FAM169A: variants seen among roughly 807,000 people sequenced by gnomAD.
FAM169A encodes soluble lamin-associated protein of 75 kDa.
A neutral mutation model predicts 75.7 loss-of-function variants in FAM169A; 24 were observed. The ratio of observed to expected loss-of-function variants is 0.32; its 90% confidence interval spans 0.23 to 0.45. The LOEUF (loss-of-function observed/expected upper bound fraction) is 0.45, where lower values mean the gene tolerates loss of function less well. FAM169A is among the 20% of genes least tolerant of loss of function. The probability of loss-of-function intolerance (pLI) is 1.00; values close to 1 mark genes in which losing one functional copy is unlikely to be tolerated. For synonymous variants in FAM169A, 271 were observed against 271.0 expected (o/e 1.00, Z 0.00); for missense variants, 673 against 784.0 (o/e 0.86, Z 1.69).
At chr5:74,824,998 G>C (rs913319993) in intron 5 of FAM169A, among the ~76,000 whole-genome samples, 2 of 151,956 alleles carry the variant, frequency 1.3e-5, no homozygotes, top group Non-Finnish European at 2.9e-5. Context: ...AGTAATTTGT[G>C]ATTTGTTAGA....
At chr5:74,782,086 T>G in intron 12 of FAM169A, 78 bp from the exon 13 acceptor site, 3 of 1,108,838 alleles carry the variant, frequency 2.7e-6, no homozygotes, top group Non-Finnish European at 3.9e-6. Flanking sequence ...TAATATGCAG[T>G]GACACTGAAC....
chr5:74,787,594 GCAGT>G (rs1008839012), intron 11 of FAM169A, among the ~76,000 whole-genome samples: 23 of 152,324 alleles, frequency 1.5e-4, no homozygotes, highest in Admixed American at 1.4e-3. Context: ...AGTGGGAACT[GCAGT>G]CACTCAACTA....
chr5:74,783,499 A>G (rs531259148), intron 11 of FAM169A, among the ~76,000 whole-genome samples: 1 of 152,326 alleles, frequency 6.6e-6, no homozygotes, highest in South Asian at 2.1e-4. Flanking sequence ...AAAAGGCACC[A>G]GACAGAGTAT....
At chr5:74,838,915 A>G (rs1748707298) in intron 4 of FAM169A, 50 bp downstream of exon 4, 2 of 1,242,786 alleles carry the variant, frequency 1.6e-6, no homozygotes, top group Admixed American at 3.4e-5. Flanking sequence ...TACAGGAAAC[A>G]CTGTGAAATG....
intron 7 of FAM169A, among the ~76,000 whole-genome samples, 170 bp downstream of exon 7, chr5:74,804,986 G>T (rs1489046829): frequency 1.3e-5 from 2 of 152,038 alleles, no homozygotes. Context: ...TCAAACCTTA[G>T]ACAAGAGAGT....
intron 10 of FAM169A, chr5:74,800,126 C>A (rs1362367182): frequency 1.3e-5 from 7 of 541,978 alleles, no homozygotes; most frequent in Non-Finnish European, 2.1e-5. Context: ...TGGCTGACTG[C>A]AGCTGTGCCG....
intron 1 of FAM169A, among the ~76,000 whole-genome samples, chr5:74,863,023 T>TAAAA (rs10634527): frequency 1.6e-5 from 2 of 126,616 alleles, no homozygotes; most frequent in Non-Finnish European, 3.2e-5. Context: ...TGTATTCATT[T>TAAAA]AAAAAAAAAA....
intron 1 of FAM169A, among the ~76,000 whole-genome samples, chr5:74,863,296 T>A (rs1750137136): frequency 6.6e-6 from 1 of 152,208 alleles, no homozygotes; most frequent in Non-Finnish European, 1.5e-5. Flanking sequence ...TTGAAACAAT[T>A]GTGAAATATT....
At position 74,807,975 on chromosome 5, in the gene FAM169A, G is replaced by A. The variant is rs150514261; in HGVS notation, c.671-2691C>T. Among the ~76,000 whole-genome samples, 88 of 152,152 alleles carry A rather than the reference G, an allele frequency of 5.8e-4. 2 individuals carry two copies. In the East Asian group the frequency reaches 0.013, roughly 23 times the overall value. On this transcript the variant is annotated intron_variant, in intron 6 of 12. Coordinates refer to ENST00000687041, the MANE Select transcript of FAM169A (RefSeq NM_001376049.1). ...CTACTAAAAATACAGAAAATTAGCC[G>A]GCCATGGTGGCTACTCAGGAGGCTG...
At chr5:74,825,453 T>C (rs1186970667) in intron 5 of FAM169A, among the ~76,000 whole-genome samples, 1 of 152,182 alleles carries the variant, frequency 6.6e-6, no homozygotes, top group Non-Finnish European at 1.5e-5. Flanking sequence ...ATAAAGCTAG[T>C]GGTTTTAACA....
upstream of FAM169A, chr5:74,866,709 G>C: frequency 2.1e-6 from 2 of 975,286 alleles, no homozygotes; most frequent in Non-Finnish European, 2.4e-6. Context: ...GTTAAGCCGC[G>C]GGGGCTGCAA....
Position 74,839,094 on chromosome 5 carries a change from C to T in FAM169A, c.233-44G>A, listed in dbSNP as rs201230894. On this transcript the variant is annotated intron_variant, in intron 3 of 12. Coordinates refer to ENST00000687041, the MANE Select transcript of FAM169A (RefSeq NM_001376049.1). Reference sequence around the variant, plus strand: ...TCATTAACACTTGAGTTTTAAAGTACACTTTTAGACTTAATAAGGCCATAT... The same window carrying T: ...TCATTAACACTTGAGTTTTAAAGTATACTTTTAGACTTAATAAGGCCATAT... The T allele has an allele frequency of 8.0e-6, 11 of 1,369,820 alleles. No homozygotes were observed. The Admixed American group carries it at 1.7e-4, about 21-fold the overall frequency. The allele number at this position is 1,369,820 out of a possible 1,614,324, so 84.9% of individuals were successfully genotyped here.
chr5:74,793,865 T>C (rs1329246476), intron 11 of FAM169A, among the ~76,000 whole-genome samples: 1 of 151,246 alleles, frequency 6.6e-6, no homozygotes, highest in African/African-American at 2.4e-5. Context: ...TAGCAGGGCA[T>C]GGTGGCAGGC....
At chr5:74,853,044 C>G (rs1169329728) in intron 1 of FAM169A, among the ~76,000 whole-genome samples, 1 of 152,114 alleles carries the variant, frequency 6.6e-6, no homozygotes, top group East Asian at 1.9e-4. Flanking sequence ...CTCAGACCTC[C>G]AGAGAGAAAG....
intron 1 of FAM169A, among the ~76,000 whole-genome samples, chr5:74,862,608 T>C (rs574048207): frequency 6.6e-6 from 1 of 152,358 alleles, no homozygotes; most frequent in South Asian, 2.1e-4. Context: ...GTTTGTCTCA[T>C]CTTTAAGACT....
intron 9 of FAM169A, among the ~76,000 whole-genome samples, chr5:74,801,273 C>G (rs1746562314): frequency 1.3e-5 from 2 of 152,140 alleles, no homozygotes. Context: ...TCCATGTTAT[C>G]TTGGGCTTTG....
intron 5 of FAM169A, among the ~76,000 whole-genome samples, chr5:74,816,855 G>A (rs899135079): frequency 1.3e-5 from 2 of 152,040 alleles, no homozygotes; most frequent in African/African-American, 2.4e-5. Flanking sequence ...CACCCCCCAA[G>A]ACTTCTGCCA....
rs1205235104 is a variant in FAM169A, at chr5:74,780,823, G to T, written c.*637C>A. The T allele has an allele frequency of 6.6e-6, 1 of 152,160 alleles. No homozygotes were observed. Among genetic ancestry groups the T allele is most frequent in the Non-Finnish European group, 1.5e-5 (1 of 68,038 alleles). 9.4% of individuals were successfully genotyped at this position (152,160 alleles called of 1,614,324 possible). On this transcript the variant is annotated 3_prime_UTR_variant, in exon 13 of 13. Coordinates refer to ENST00000687041, the MANE Select transcript of FAM169A (RefSeq NM_001376049.1). ...CAGATGATAGAATGAATCAGAAACA[G>T]ATTTTATGTGTACCTTTCCATAGAT...
Position 74,804,479 on chromosome 5 carries a change from G to C in FAM169A, c.912+14C>G, listed in dbSNP as rs1411093238. On this transcript the variant is annotated intron_variant, in intron 8 of 12. Transcript: ENST00000687041. ...TTTTATATACAACAATAAACATATA[G>C]ACAGTGTACCTACAGTTAGCTGCAT... is the stretch of plus-strand genomic sequence containing the variant. The C allele has an allele frequency of 5.0e-6, 7 of 1,402,146 alleles. No homozygotes were observed. Among genetic ancestry groups the C allele is most frequent in the Non-Finnish European group, 6.9e-6 (7 of 1,008,300 alleles). The allele number at this position is 1,402,146 out of a possible 1,614,324, so 86.9% of individuals were successfully genotyped here. A position where few individuals can be genotyped will look rare whatever the true frequency, so the allele number is the denominator to read the frequency against.
Sources: gnomAD v4.1 joint callset for allele counts (sites outside exome capture counted in the v4.1 genomes callset) on GRCh38, gnomAD v4.1.1 for gene constraint, MANE v1.5 for transcripts, NCBI Gene and HGNC (gene_info 2026-07-23, HGNC 2026-07-21) for gene names.